TMEM117: variants seen among roughly 807,000 people sequenced by gnomAD.
TMEM117 encodes transmembrane protein 117.
A neutral mutation model predicts 52.4 loss-of-function variants in TMEM117; 27 were observed. The ratio of observed to expected loss-of-function variants is 0.51; its 90% CI spans 0.38 to 0.71. The LOEUF (loss-of-function observed/expected upper bound fraction) is 0.71, where lower values mean the gene tolerates loss of function less well. Among genes scored for constraint, TMEM117 ranks in the 30% least tolerant of loss-of-function variants. The probability of loss-of-function intolerance (pLI) is 0.00; values close to 1 mark genes in which losing one functional copy is unlikely to be tolerated. For synonymous variants in TMEM117, 215 were observed against 206.3 expected (o/e 1.04, Z -0.36); for missense variants, 556 against 630.5 (o/e 0.88, Z 1.26).
chr12:44,198,832 G>A (rs890177387), intron 4 of TMEM117, among the ~76,000 whole-genome samples: 1 of 152,086 alleles, frequency 6.6e-6, no homozygotes. Flanking sequence ...GTTTTCTCAA[G>A]TGTCAGGCAG....
At chr12:44,396,429 A>G in the TMEM117 span, among the ~76,000 whole-genome samples, 1 of 151,992 alleles carries the variant, frequency 6.6e-6, no homozygotes, top group Non-Finnish European at 1.5e-5. Flanking sequence ...CTCCTATTAG[A>G]TTATAAACAT....
At chr12:44,085,107 T>C (rs1014375075) in intron 3 of TMEM117, among the ~76,000 whole-genome samples, 4 of 152,232 alleles carry the variant, frequency 2.6e-5, no homozygotes, top group Admixed American at 2.0e-4. Flanking sequence ...GCATCATCCA[T>C]GTTTTGCTAT....
At chr12:44,123,121 T>G (rs909875895) in intron 3 of TMEM117, among the ~76,000 whole-genome samples, 2 of 152,218 alleles carry the variant, frequency 1.3e-5, no homozygotes, top group African/African-American at 4.8e-5. Flanking sequence ...CATGAGATAG[T>G]ATCTCATTGT....
chr12:44,344,486 T>C (rs1011587087), intron 6 of TMEM117, among the ~76,000 whole-genome samples: 22 of 152,046 alleles, frequency 1.4e-4, no homozygotes, highest in African/African-American at 5.3e-4. Flanking sequence ...CCTGGTCCAG[T>C]TGGCACCAAT....
chr12:44,295,429 G>A (rs987322725), intron 5 of TMEM117, among the ~76,000 whole-genome samples: 3 of 151,922 alleles, frequency 2.0e-5, no homozygotes, highest in Admixed American at 6.6e-5. Flanking sequence ...GGCTGGTCTC[G>A]AACTCCTGAC....
At chr12:44,224,937 A>G (rs1592621121) in intron 5 of TMEM117, among the ~76,000 whole-genome samples, 1 of 152,236 alleles carries the variant, frequency 6.6e-6, no homozygotes, top group East Asian at 1.9e-4. Context: ...GAGAGACCAC[A>G]GTAACTCCAG....
At chr12:44,141,474 A>C (rs1948570617) in intron 3 of TMEM117, among the ~76,000 whole-genome samples, 1 of 152,058 alleles carries the variant, frequency 6.6e-6, no homozygotes, top group Admixed American at 6.6e-5. Context: ...GATCTGTTGC[A>C]AGTGTATCCA....
At chr12:43,847,713 A>G (rs1195392772) in intron 2 of TMEM117, among the ~76,000 whole-genome samples, 2 of 152,206 alleles carry the variant, frequency 1.3e-5, no homozygotes, top group Non-Finnish European at 2.9e-5. Context: ...TATTGGAAAC[A>G]AAGGATGGAA....
At position 43,845,139 on chromosome 12, in the gene TMEM117, T is replaced by C. The variant is rs564970499; in HGVS notation, c.277+211T>C. 1.7e-4 allele frequency among the ~76,000 whole-genome samples: 26 copies of C among 151,880 alleles called. No individual in the cohort carries two copies. In the South Asian group the frequency reaches 5.2e-3, roughly 30 times the overall value. On this transcript the variant is annotated intron_variant, in intron 2 of 7. Coordinates refer to ENST00000266534, the MANE Select transcript of TMEM117 (RefSeq NM_032256.3). ...CTGTCTAAGGAAAATTAGCACGAGG[T>C]AAAATTAGTACCAAACTTCATTAAA...
chr12:44,384,609 G>A (rs1230884131), intron 7 of TMEM117, among the ~76,000 whole-genome samples: 1 of 152,102 alleles, frequency 6.6e-6, no homozygotes, highest in Non-Finnish European at 1.5e-5. Context: ...TATTTACATA[G>A]AGCCACACAC....
chr12:44,176,396 C>G (rs1170588328), intron 4 of TMEM117, among the ~76,000 whole-genome samples: 1 of 152,282 alleles, frequency 6.6e-6, no homozygotes, highest in East Asian at 1.9e-4. Context: ...GAAGTGCTAT[C>G]TCAGTATTGC....
chr12:43,883,654 T>G (rs1943936796), intron 2 of TMEM117, among the ~76,000 whole-genome samples: 1 of 152,116 alleles, frequency 6.6e-6, no homozygotes, highest in East Asian at 1.9e-4. Context: ...TTTCTAAAAT[T>G]GTGCTTTAGT....
chr12:44,389,690 G>A lies in TMEM117; in HGVS notation c.*1018G>A, dbSNP rs780149326. 8 of 152,498 alleles carry A rather than the reference G, an allele frequency of 5.2e-5. No homozygotes were observed. The East Asian group carries it at 5.8e-4, about 11-fold the overall frequency. 9.4% of individuals were successfully genotyped at this position (152,498 alleles called of 1,614,324 possible). ...GAATTTGTTTAATGTCTTGTTTTGC[G>A]TATGTGTTTTTTGTTTTTGTTTTTT... On this transcript the variant is annotated 3_prime_UTR_variant, in exon 8 of 8. Transcript: ENST00000266534.
chr12:44,281,252 T>C (rs142941860), intron 5 of TMEM117, among the ~76,000 whole-genome samples: 178 of 152,356 alleles, frequency 1.2e-3, no homozygotes, highest in African/African-American at 4.0e-3. Context: ...GTTACTTTTA[T>C]TTTATAGTTT....
intron 6 of TMEM117, among the ~76,000 whole-genome samples, chr12:44,353,262 T>A (rs1951593187): frequency 6.6e-6 from 1 of 152,160 alleles, no homozygotes; most frequent in Non-Finnish European, 1.5e-5. Flanking sequence ...TTCACTCTGA[T>A]GGTAGTTTCT....
chr12:44,287,152 T>C lies in TMEM117; in HGVS notation c.609-12428T>C, dbSNP rs146985772. ...ACCCTTCTTAGTCTCACATTCTAATTTCTATTAACCTAAGAGGTATTAGCA... is the reference window on the plus strand; with the variant it reads ...ACCCTTCTTAGTCTCACATTCTAATCTCTATTAACCTAAGAGGTATTAGCA... On this transcript the variant is annotated intron_variant, in intron 5 of 7. Transcript: ENST00000266534. Among the ~76,000 whole-genome samples the C allele has an allele frequency of 7.7e-4, 118 of 152,316 alleles. 2 individuals carry two copies. In the East Asian group the frequency reaches 0.019, roughly 25 times the overall value.
chr12:43,982,277 A>G (rs1403015786), intron 3 of TMEM117, among the ~76,000 whole-genome samples: 1 of 152,294 alleles, frequency 6.6e-6, no homozygotes, highest in Middle Eastern at 3.4e-3. Context: ...AGGAATACAA[A>G]ATGATCAGAA....
At chr12:43,921,966 A>G (rs962457962) in intron 2 of TMEM117, among the ~76,000 whole-genome samples, 5 of 152,076 alleles carry the variant, frequency 3.3e-5, no homozygotes, top group Non-Finnish European at 5.9e-5. Flanking sequence ...CAACCTCTAA[A>G]AGTGGACTTT....
intron 5 of TMEM117, among the ~76,000 whole-genome samples, chr12:44,226,499 A>ATG (rs1161429257): frequency 3.0e-5 from 4 of 132,950 alleles, no homozygotes; most frequent in South Asian, 4.4e-4. Context: ...ATAAATATAT[A>ATG]TATGTGTGTG....
Sources: gnomAD v4.1 joint callset for allele counts (sites outside exome capture counted in the v4.1 genomes callset) on GRCh38, gnomAD v4.1.1 for gene constraint, MANE v1.5 for transcripts, NCBI Gene and HGNC (gene_info 2026-07-23, HGNC 2026-07-21) for gene names.